Variants in RBPMS observed in about 807,000 individuals in gnomAD.
RBPMS encodes RNA binding protein, mRNA processing factor, also known as RNA-binding protein with multiple splicing.
A neutral mutation model predicts 26.8 loss-of-function variants in RBPMS; 7 were observed. The observed-to-expected ratio is 0.26, with a 90% CI of 0.15 to 0.49. The LOEUF is 0.49. RBPMS is among the 20% of genes least tolerant of loss of function. RBPMS has a pLI of 0.98. For missense variants in RBPMS, 186 were observed against 250.0 expected, an observed-to-expected ratio of 0.74 and a Z score of 1.73; for synonymous variants, 96 against 93.3, an observed-to-expected ratio of 1.03 and a Z score of -0.17.
intron 1 of RBPMS, among the ~76,000 whole-genome samples, chr8:30,391,751 A>G (rs1253640901): frequency 6.6e-6 from 1 of 152,130 alleles, no homozygotes; most frequent in Admixed American, 6.6e-5. Flanking sequence ...CCTTGATATT[A>G]TCTGAAACAT....
intron 1 of RBPMS, among the ~76,000 whole-genome samples, chr8:30,434,641 C>T (rs1410473358): frequency 6.6e-6 from 1 of 150,442 alleles, no homozygotes; most frequent in African/African-American, 2.5e-5. Context: ...ATGGCGGCCA[C>T]TGCTGGGAGC....
At position 30,385,235 on chromosome 8, in the gene RBPMS, C is replaced by T. The variant is rs1034376614; in HGVS notation, c.66+77C>T. 9.5e-6 allele frequency: 10 copies of T among 1,054,488 alleles called. No homozygotes were observed. In the African/African-American group the frequency reaches 1.5e-4, roughly 16 times the overall value. 65.3% of individuals were successfully genotyped at this position (1,054,488 alleles called of 1,614,324 possible). ...CGGCCGGCGGGGCGCGGGCCCGGGG[C>T]GCGGCGGTGGAAGAAGGTTCAGGCA... On this transcript the variant is annotated intron_variant, in intron 1 of 8. Transcript: ENST00000397323.
chr8:30,548,097 A>G (rs921667511), intron 6 of RBPMS, among the ~76,000 whole-genome samples: 4 of 152,232 alleles, frequency 2.6e-5, no homozygotes, highest in Non-Finnish European at 5.9e-5. Flanking sequence ...CAGACATCGG[A>G]TTGCTAAGAA....
chr8:30,514,679 G>A (rs1472920436), intron 5 of RBPMS, among the ~76,000 whole-genome samples: 1 of 13,558 alleles, frequency 7.4e-5, no homozygotes, highest in Non-Finnish European at 2.1e-4. Context: ...ACCATGCCGG[G>A]CTTTTTTTTT....
intron 1 of RBPMS, among the ~76,000 whole-genome samples, chr8:30,450,717 G>A (rs1814462485): frequency 7.4e-6 from 1 of 135,080 alleles, no homozygotes; most frequent in Non-Finnish European, 1.5e-5. Context: ...AGCTGGCACA[G>A]TCTTTTATAA....
chr8:30,393,997 G>C (rs1808093393), intron 1 of RBPMS, among the ~76,000 whole-genome samples: 1 of 88,844 alleles, frequency 1.1e-5, no homozygotes, highest in Non-Finnish European at 2.2e-5. Context: ...AAATGCTAAA[G>C]AGAAAAAGGA....
At chr8:30,458,003 A>G (rs1366377254) in intron 1 of RBPMS, among the ~76,000 whole-genome samples, 2 of 152,200 alleles carry the variant, frequency 1.3e-5, no homozygotes, top group African/African-American at 4.8e-5. Context: ...TTCTGAGGAT[A>G]CCAAAACCTG....
chr8:30,450,988 C>T (rs1008412587), intron 1 of RBPMS, among the ~76,000 whole-genome samples: 2 of 151,952 alleles, frequency 1.3e-5, no homozygotes, highest in African/African-American at 4.8e-5. Flanking sequence ...TGGTGACTAG[C>T]CAGTATCTTA....
intron 1 of RBPMS, 57 bp downstream of exon 1, chr8:30,385,215 G>C (rs1042295202): frequency 3.9e-6 from 5 of 1,270,372 alleles, no homozygotes; most frequent in Admixed American, 3.8e-5. Flanking sequence ...GCGGGCGGCC[G>C]GCGGGGCGCG....
At chr8:30,466,530 G>A (rs765236768) in intron 1 of RBPMS, among the ~76,000 whole-genome samples, 1 of 152,042 alleles carries the variant, frequency 6.6e-6, no homozygotes, top group African/African-American at 2.4e-5. Context: ...TGACCAGAAC[G>A]AGACCCAAAC....
intron 4 of RBPMS, among the ~76,000 whole-genome samples, chr8:30,503,428 T>G (rs937002349): frequency 6.6e-6 from 1 of 151,980 alleles, no homozygotes; most frequent in African/African-American, 2.4e-5. Context: ...ATTTTTTTTT[T>G]TTTGTATTTT....
At chr8:30,478,341 T>A (rs1447967350) in intron 3 of RBPMS, among the ~76,000 whole-genome samples, 1 of 151,942 alleles carries the variant, frequency 6.6e-6, no homozygotes, top group Non-Finnish European at 1.5e-5. Context: ...CTTTTTTTTT[T>A]AAGCTAAACA....
chr8:30,442,256 G>A (rs1813170847), intron 1 of RBPMS, among the ~76,000 whole-genome samples: 1 of 152,078 alleles, frequency 6.6e-6, no homozygotes, highest in African/African-American at 2.4e-5. Context: ...TGTTCCCTCT[G>A]GTGATACAGG....
intron 4 of RBPMS, among the ~76,000 whole-genome samples, chr8:30,497,438 G>A (rs1820082726): frequency 6.6e-6 from 1 of 152,030 alleles, no homozygotes; most frequent in African/African-American, 2.4e-5. Flanking sequence ...CAGCTACTCG[G>A]GAGGCTGAGG....
At chr8:30,561,169 T>C (rs964122648) in intron 7 of RBPMS, among the ~76,000 whole-genome samples, 1 of 152,190 alleles carries the variant, frequency 6.6e-6, no homozygotes, top group Non-Finnish European at 1.5e-5. Context: ...TAGGAGAGAT[T>C]TTTTTGCTCC....
intron 1 of RBPMS, among the ~76,000 whole-genome samples, chr8:30,456,851 G>A (rs1368812159): frequency 1.3e-5 from 2 of 152,210 alleles, no homozygotes; most frequent in African/African-American, 4.8e-5. Flanking sequence ...AACCCCGGAG[G>A]TGGAGGTTGC....
chr8:30,419,608 T>A (rs1415396812), intron 1 of RBPMS, among the ~76,000 whole-genome samples: 1 of 152,154 alleles, frequency 6.6e-6, no homozygotes, highest in Admixed American at 6.5e-5. Flanking sequence ...GTGACAGGTT[T>A]CAGTCAAAAC....
rs77124375 is a variant in RBPMS, at chr8:30,495,296, T to A, written c.247-8990T>A. ...ATTATGAAGGTTTTTTTTTTTTTTT[T>A]AAATTCAAGGGGTTAAAAATCAAAA... On this transcript the variant is annotated intron_variant, in intron 4 of 8. Coordinates refer to ENST00000397323, the MANE Select transcript of RBPMS (RefSeq NM_001008710.3). Among the ~76,000 whole-genome samples the A allele has an allele frequency of 9.3e-4, 138 of 148,604 alleles. 2 individuals are homozygous for A. Among genetic ancestry groups the A allele is most frequent in the African/African-American group, 3.0e-3 (122 of 41,056 alleles).
chr8:30,458,593 T>C (rs1815518159), intron 1 of RBPMS, among the ~76,000 whole-genome samples: 1 of 152,116 alleles, frequency 6.6e-6, no homozygotes, highest in African/African-American at 2.4e-5. Context: ...CAAAAACAAA[T>C]AGATTTAGTC....
Sources: gnomAD v4.1 joint callset for allele counts (sites outside exome capture counted in the v4.1 genomes callset) on GRCh38, gnomAD v4.1.1 for gene constraint, MANE v1.5 for transcripts, NCBI Gene and HGNC (gene_info 2026-07-23, HGNC 2026-07-21) for gene names.